The following ROR1 variants were observed in gnomAD, a reference collection of about 807,000 sequenced individuals.
The protein encoded by ROR1 is inactive tyrosine-protein kinase transmembrane receptor ROR1.
ROR1 carries 19 observed loss-of-function variants against 78.8 expected under a neutral mutation model. That is an observed-to-expected ratio of 0.24 (90% confidence interval 0.17 to 0.35). The LOEUF is 0.35. Ranked by LOEUF, ROR1 falls within the 10% of genes least tolerant of loss-of-function variation. ROR1 has a pLI of 1.00. For synonymous variants in ROR1, 386 were observed against 433.6 expected (o/e 0.89, Z 1.36); for missense variants, 917 against 1,177.8 (o/e 0.78, Z 3.24).
intron 2 of ROR1, among the ~76,000 whole-genome samples, chr1:64,028,413 C>T (rs763177909): frequency 2.6e-5 from 4 of 152,214 alleles, no homozygotes; most frequent in East Asian, 1.9e-4. Context: ...GATGCATGGG[C>T]GTTTGCTAAA....
At chr1:63,983,405 G>C (rs1214552481) in intron 1 of ROR1, among the ~76,000 whole-genome samples, 2 of 152,192 alleles carry the variant, frequency 1.3e-5, no homozygotes, top group Non-Finnish European at 1.5e-5. Flanking sequence ...CTGTGCCTAT[G>C]CTGCTGAGAG....
intron 1 of ROR1, among the ~76,000 whole-genome samples, chr1:63,994,692 G>A (rs956763920): frequency 5.3e-5 from 8 of 152,160 alleles, no homozygotes; most frequent in African/African-American, 1.9e-4. Flanking sequence ...TCTCTCCCAA[G>A]TGCTTCCACC....
intron 1 of ROR1, among the ~76,000 whole-genome samples, chr1:63,873,016 T>C (rs1236700953): frequency 6.6e-6 from 1 of 152,150 alleles, no homozygotes; most frequent in African/African-American, 2.4e-5. Context: ...TTTATGATTT[T>C]ATTTTTTTGG....
intron 1 of ROR1, among the ~76,000 whole-genome samples, chr1:64,004,369 C>G (rs1646411312): frequency 6.6e-6 from 1 of 152,202 alleles, no homozygotes; most frequent in Non-Finnish European, 1.5e-5. Context: ...TCTGGAACCC[C>G]AAATCCTCTT....
intron 4 of ROR1, among the ~76,000 whole-genome samples, chr1:64,133,410 T>C (rs903603220): frequency 6.6e-6 from 1 of 152,194 alleles, no homozygotes; most frequent in African/African-American, 2.4e-5. Flanking sequence ...GGGCACTCCT[T>C]TTGCTGCCGC....
intron 4 of ROR1, among the ~76,000 whole-genome samples, chr1:64,075,566 A>G (rs1231108556): frequency 6.6e-6 from 1 of 152,204 alleles, no homozygotes; most frequent in African/African-American, 2.4e-5. Flanking sequence ...TCACTGTCCT[A>G]TACATTTTCC....
chr1:64,068,561 C>T (rs1026878897), intron 4 of ROR1, among the ~76,000 whole-genome samples: 1 of 152,016 alleles, frequency 6.6e-6, no homozygotes, highest in African/African-American at 2.4e-5. Context: ...ATGATTTTAA[C>T]GACTGTATCC....
intron 7 of ROR1, among the ~76,000 whole-genome samples, chr1:64,147,657 C>T (rs931229746): frequency 2.6e-5 from 4 of 151,950 alleles, no homozygotes; most frequent in Admixed American, 1.3e-4. Context: ...TTTTTTTTCT[C>T]ATTTCATTGT....
At chr1:64,036,105 A>G (rs1646700037) in intron 2 of ROR1, among the ~76,000 whole-genome samples, 1 of 152,182 alleles carries the variant, frequency 6.6e-6, no homozygotes. Context: ...CCTTATCCTC[A>G]CATTAGACAG....
At chr1:64,163,156 G>T (rs553532240) in intron 8 of ROR1, among the ~76,000 whole-genome samples, 3 of 151,740 alleles carry the variant, frequency 2.0e-5, no homozygotes, top group African/African-American at 7.3e-5. Flanking sequence ...AACCAAGCTG[G>T]ACAGATCGCT....
chr1:63,827,138 G>A (rs575784691), intron 1 of ROR1, among the ~76,000 whole-genome samples: 2 of 151,990 alleles, frequency 1.3e-5, no homozygotes, highest in Non-Finnish European at 2.9e-5. Context: ...TAATGGGGTT[G>A]TTGTTTTTTT....
At chr1:63,796,662 G>A (rs1443978433) in intron 1 of ROR1, among the ~76,000 whole-genome samples, 1 of 152,158 alleles carries the variant, frequency 6.6e-6, no homozygotes, top group African/African-American at 2.4e-5. Context: ...GCAGAAACAG[G>A]CACAAGCAGT....
chr1:64,171,744 C>T (rs1650248824), intron 8 of ROR1, among the ~76,000 whole-genome samples: 1 of 152,146 alleles, frequency 6.6e-6, no homozygotes, highest in Non-Finnish European at 1.5e-5. Flanking sequence ...GGGCTCGATT[C>T]CCTGCACCCT....
intron 8 of ROR1, among the ~76,000 whole-genome samples, chr1:64,167,837 A>G (rs1291111188): frequency 7.4e-4 from 112 of 152,340 alleles, no homozygotes; most frequent in South Asian, 2.1e-4. Context: ...GGTCTAACTC[A>G]AAAACCAGAG....
intron 1 of ROR1, among the ~76,000 whole-genome samples, chr1:63,862,703 G>A (rs1409645794): frequency 6.6e-6 from 1 of 151,922 alleles, no homozygotes; most frequent in Non-Finnish European, 1.5e-5. Context: ...TTCTTTCTTG[G>A]TGTGAATTCT....
At chr1:64,162,086 C>T (rs1409545673) in intron 8 of ROR1, among the ~76,000 whole-genome samples, 1 of 152,092 alleles carries the variant, frequency 6.6e-6, no homozygotes, top group East Asian at 1.9e-4. Context: ...AACACTCCAC[C>T]AGAGCAAAAT....
At chr1:63,939,954 G>T (rs1351476502) in intron 1 of ROR1, among the ~76,000 whole-genome samples, 1 of 152,150 alleles carries the variant, frequency 6.6e-6, no homozygotes, top group Non-Finnish European at 1.5e-5. Context: ...TCATTTTCTT[G>T]TGAAGGAAGA....
At chr1:63,901,868 G>A (rs1379251490) in intron 1 of ROR1, among the ~76,000 whole-genome samples, 1 of 151,678 alleles carries the variant, frequency 6.6e-6, no homozygotes, top group African/African-American at 2.4e-5. Flanking sequence ...GCAAGCTAGT[G>A]AGAAAGATAA....
At chr1:63,879,834 A>G (rs1645311597) in intron 1 of ROR1, among the ~76,000 whole-genome samples, 1 of 152,232 alleles carries the variant, frequency 6.6e-6, no homozygotes, top group African/African-American at 2.4e-5. Flanking sequence ...TTATCTTTGT[A>G]GAAACATTTC....
Sources: gnomAD v4.1 joint callset for allele counts (sites outside exome capture counted in the v4.1 genomes callset) on GRCh38, gnomAD v4.1.1 for gene constraint, MANE v1.5 for transcripts, NCBI Gene and HGNC (gene_info 2026-07-23, HGNC 2026-07-21) for gene names.